Variants in FANK1 observed in about 807,000 individuals in gnomAD.
FANK1 encodes the protein fibronectin type III and ankyrin repeat domains 1, also known as fibronectin type 3 and ankyrin repeat domains protein 1.
A neutral mutation model predicts 45.3 loss-of-function variants in FANK1; 44 were observed. The ratio of observed to expected loss-of-function variants is 0.97; its 90% CI spans 0.76 to 1.25. FANK1 has a LOEUF of 1.25. Among genes scored for constraint, FANK1 ranks in the 50% most tolerant of loss-of-function variants. The probability of loss-of-function intolerance (pLI) is 0.00; values close to 1 mark genes in which losing one functional copy is unlikely to be tolerated. For missense variants in FANK1, 391 were observed against 424.4 expected (o/e 0.92, Z 0.69); for synonymous variants, 149 against 152.5 (o/e 0.98, Z 0.17).
chr10:125,996,741 C>A (rs1952361952), intron 5 of FANK1, 117 bp downstream of exon 5: 1 of 921,564 alleles, frequency 1.1e-6, no homozygotes, highest in Non-Finnish European at 1.7e-6. Flanking sequence ...CGTTTCTTTT[C>A]TATCTCCCAA....
intron 1 of FANK1, among the ~76,000 whole-genome samples, chr10:125,921,965 A>G (rs1488568958): frequency 2.6e-5 from 4 of 152,056 alleles, no homozygotes; most frequent in South Asian, 2.1e-4. Flanking sequence ...TTTAAATATT[A>G]CTGATTTAGT....
chr10:125,900,738 G>A (rs534715637), intron 1 of FANK1, among the ~76,000 whole-genome samples: 2 of 152,010 alleles, frequency 1.3e-5, no homozygotes, highest in Non-Finnish European at 2.9e-5. Flanking sequence ...TGCAACCTCC[G>A]CCTCCCAGGT....
chr10:125,984,258 C>T (rs1216756460), intron 2 of FANK1, among the ~76,000 whole-genome samples: 1 of 152,190 alleles, frequency 6.6e-6, no homozygotes, highest in African/African-American at 2.4e-5. Context: ...GCAGCCTCTG[C>T]GTGAACATTG....
intron 1 of FANK1, among the ~76,000 whole-genome samples, chr10:125,952,869 C>A (rs978136622): frequency 2.1e-5 from 3 of 146,146 alleles, no homozygotes; most frequent in African/African-American, 5.1e-5. Context: ...ACTGTTCTTA[C>A]GTGCCTGATA....
intron 1 of FANK1, among the ~76,000 whole-genome samples, chr10:125,903,168 G>A (rs1351377929): frequency 6.6e-6 from 1 of 152,306 alleles, no homozygotes; most frequent in African/African-American, 2.4e-5. Flanking sequence ...TTTACTTCTT[G>A]ATGGGAGAAG....
chr10:125,939,801 T>G (rs1019933463), intron 1 of FANK1, among the ~76,000 whole-genome samples: 1 of 152,094 alleles, frequency 6.6e-6, no homozygotes, highest in Non-Finnish European at 1.5e-5. Context: ...GATGATTGCC[T>G]TACATAATAA....
intron 3 of FANK1, chr10:125,989,513 A>G: frequency 1.3e-6 from 1 of 788,140 alleles, no homozygotes; most frequent in Non-Finnish European, 2.2e-6. Context: ...TTTTGTGTAG[A>G]CTAAAGTTAA....
chr10:125,904,981 A>G (rs375517863), intron 1 of FANK1, among the ~76,000 whole-genome samples: 1 of 119,514 alleles, frequency 8.4e-6, no homozygotes, highest in Non-Finnish European at 1.9e-5. Context: ...ACAAAAAAAA[A>G]TTAGCCGGGT....
At chr10:125,975,927 T>C (rs1014921214) in intron 1 of FANK1, among the ~76,000 whole-genome samples, 2 of 152,190 alleles carry the variant, frequency 1.3e-5, no homozygotes, top group African/African-American at 2.4e-5. Context: ...GTGACACTAG[T>C]CTGTGTGTTT....
intron 1 of FANK1, among the ~76,000 whole-genome samples, chr10:125,902,141 T>C (rs900502803): frequency 6.6e-6 from 1 of 152,160 alleles, no homozygotes; most frequent in African/African-American, 2.4e-5. Context: ...GGGATAGCGT[T>C]AGGAGATATA....
At chr10:125,963,763 G>A (rs920494043) in intron 1 of FANK1, among the ~76,000 whole-genome samples, 9 of 152,054 alleles carry the variant, frequency 5.9e-5, no homozygotes, top group African/African-American at 1.9e-4. Context: ...GTAGGGGGGA[G>A]GGATAGCATT....
In FANK1 at chr10:125,980,225, A is replaced by G. The variant is rs1951112341; in HGVS notation, c.78A>G (p.Glu26=). 1.9e-6 allele frequency: 3 copies of G among 1,614,016 alleles called. No individual in the cohort carries two copies. Among genetic ancestry groups the G allele is most frequent in the Admixed American group, 1.7e-5 (1 of 59,994 alleles). ...VVGKVTHHSI[E]LYWDLEKKAK... ...GCAAAGTGACTCATCACAGCATTGA[A>G]TTATACTGGGATCTGGAAAAGAAAG... is the stretch of plus-strand genomic sequence containing the variant. Residue 26 remains glutamate, a synonymous_variant, in exon 2 of 11, where the codon GAA becomes GAG. Coordinates refer to ENST00000368693, the MANE Select transcript of FANK1 (RefSeq NM_145235.5).
At chr10:125,900,626 TG>T (rs1254294182) in intron 1 of FANK1, among the ~76,000 whole-genome samples, 4 of 140,854 alleles carry the variant, frequency 2.8e-5, no homozygotes, top group African/African-American at 1.3e-4. Context: ...CGTTTCTTTC[TG>T]TTTTTTTTTG....
intron 1 of FANK1, among the ~76,000 whole-genome samples, chr10:125,940,446 T>C (rs1948378294): frequency 6.6e-6 from 1 of 152,192 alleles, no homozygotes; most frequent in South Asian, 2.1e-4. Context: ...CATCTCAGTG[T>C]AGTAAAGAGT....
intron 1 of FANK1, among the ~76,000 whole-genome samples, chr10:125,911,490 A>G (rs1386934689): frequency 1.3e-5 from 2 of 152,266 alleles, no homozygotes; most frequent in African/African-American, 4.8e-5. Flanking sequence ...TGTTTTTACA[A>G]TTATAAGCAA....
intron 1 of FANK1, among the ~76,000 whole-genome samples, chr10:125,961,274 C>G (rs368893826): frequency 6.6e-6 from 1 of 152,102 alleles, no homozygotes; most frequent in East Asian, 1.9e-4. Context: ...GCCTAGCTAA[C>G]TTTTAAAAAT....
intron 1 of FANK1, among the ~76,000 whole-genome samples, chr10:125,913,352 C>T (rs1946185621): frequency 6.6e-6 from 1 of 152,162 alleles, no homozygotes; most frequent in Non-Finnish European, 1.5e-5. Context: ...CACCCAAACT[C>T]ATTCTGCATG....
chr10:125,958,404 A>G (rs1949714031), intron 1 of FANK1, among the ~76,000 whole-genome samples: 1 of 152,150 alleles, frequency 6.6e-6, no homozygotes, highest in East Asian at 1.9e-4. Flanking sequence ...TCAGGGTGAA[A>G]GAGGAAGCAG....
intron 1 of FANK1, among the ~76,000 whole-genome samples, chr10:125,899,677 G>C (rs1290228673): frequency 6.6e-6 from 1 of 152,194 alleles, no homozygotes; most frequent in African/African-American, 2.4e-5. Flanking sequence ...ATTTCCTACT[G>C]TCAGCCATAA....
Sources: gnomAD v4.1 joint callset for allele counts (sites outside exome capture counted in the v4.1 genomes callset) on GRCh38, gnomAD v4.1.1 for gene constraint, MANE v1.5 for transcripts, NCBI Gene and HGNC (gene_info 2026-07-23, HGNC 2026-07-21) for gene names.